Variants in RABEPK observed in about 807,000 individuals in gnomAD.
RABEPK encodes the protein 40 kDa Rab9 effector protein.
In RABEPK, 27 loss-of-function variants were observed where a neutral mutation model predicts 34.1. The ratio of observed to expected loss-of-function variants is 0.79; its 90% confidence interval spans 0.58 to 1.09. RABEPK has a LOEUF of 1.09. Among genes scored for constraint, RABEPK ranks in the 50% least tolerant of loss-of-function variants. The pLI is 0.00. For synonymous variants in RABEPK, 172 were observed against 169.2 expected (o/e 1.02, Z -0.13); for missense variants, 449 against 462.6 (o/e 0.97, Z 0.27).
In RABEPK at chr9:125,215,205, GT is replaced by G. The variant is rs59272289; in HGVS notation, c.364+1695del. Among the ~76,000 whole-genome samples the G allele has an allele frequency of 1.9e-4, 28 of 146,050 alleles. No homozygotes were observed. In the South Asian group the frequency reaches 1.9e-3, roughly 10 times the overall value. On this transcript the variant is annotated intron_variant, in intron 4 of 7. Transcript: ENST00000373538. ...TCATAATCCCAGGAGAAATAGGTGG[GT>G]TTTTTTTTTTTGGCTTTAGCAAAAA...
At position 125,207,739 on chromosome 9, in the gene RABEPK, A is replaced by G. The variant is rs1398247967; in HGVS notation, c.211+18A>G. On this transcript the variant is annotated intron_variant, in intron 3 of 7. Coordinates refer to ENST00000373538, the MANE Select transcript of RABEPK (RefSeq NM_005833.4). ...GGATCTGGGTAAGATCAGCAGCTGC[A>G]GAGTACATGCCCTATGGCCAGAGAA... The G allele has an allele frequency of 1.9e-6, 3 of 1,613,692 alleles. No individual in the cohort carries two copies. Among genetic ancestry groups the G allele is most frequent in the Admixed American group, 1.7e-5 (1 of 59,992 alleles).
chr9:125,207,750 C>T (rs749724290), intron 3 of RABEPK, 29 bp downstream of exon 3: 9 of 1,612,676 alleles, frequency 5.6e-6, no homozygotes, highest in Admixed American at 3.3e-5. Flanking sequence ...GAGTACATGC[C>T]CTATGGCCAG....
At chr9:125,219,430 T>C (rs182305094) in intron 4 of RABEPK, among the ~76,000 whole-genome samples, 8 of 152,104 alleles carry the variant, frequency 5.3e-5, no homozygotes, top group African/African-American at 1.9e-4. Context: ...AGTCTCGCTT[T>C]GTCAACCAGG....
At chr9:125,207,003 C>T (rs1830265647) in intron 2 of RABEPK, among the ~76,000 whole-genome samples, 4 of 151,528 alleles carry the variant, frequency 2.6e-5, no homozygotes, top group Admixed American at 2.0e-4. Context: ...GCAGGAGAAT[C>T]GCTTGAACCC....
chr9:125,210,963 T>C (rs1446630782), intron 3 of RABEPK, among the ~76,000 whole-genome samples: 1 of 146,238 alleles, frequency 6.8e-6, no homozygotes, highest in Non-Finnish European at 1.5e-5. Context: ...CCGGGCATGG[T>C]GGCTCACCAT....
At chr9:125,220,341 G>C (rs201806373) in intron 4 of RABEPK, 198 bp from the exon 5 acceptor site, 13 of 1,443,334 alleles carry the variant, frequency 9.0e-6, no homozygotes, top group Admixed American at 5.7e-5. Context: ...TAAATCTTGG[G>C]GATTTTGGAC....
At chr9:125,223,833 C>T (rs1389470012) in intron 5 of RABEPK, among the ~76,000 whole-genome samples, 1 of 151,776 alleles carries the variant, frequency 6.6e-6, no homozygotes, top group Non-Finnish European at 1.5e-5. Flanking sequence ...CTTGAACAAC[C>T]AGCAGGCATA....
intron 5 of RABEPK, among the ~76,000 whole-genome samples, chr9:125,226,273 C>T (rs1831738461): frequency 6.6e-6 from 1 of 150,926 alleles, no homozygotes. Flanking sequence ...GCGAAGATCG[C>T]ACTTGTGCAT....
chr9:125,222,631 T>A (rs1444079647), intron 5 of RABEPK, among the ~76,000 whole-genome samples: 4 of 149,388 alleles, frequency 2.7e-5, no homozygotes, highest in Non-Finnish European at 5.9e-5. Context: ...TGAGAATCAC[T>A]TGAACCCCGG....
At chr9:125,216,751 A>C (rs1485945690) in intron 4 of RABEPK, among the ~76,000 whole-genome samples, 2 of 152,118 alleles carry the variant, frequency 1.3e-5, no homozygotes, top group African/African-American at 4.8e-5. Context: ...TCAAAAGGTC[A>C]GGAGTTCCAG....
intron 3 of RABEPK, among the ~76,000 whole-genome samples, chr9:125,212,778 C>A (rs1041813448): frequency 6.6e-6 from 1 of 151,190 alleles, no homozygotes; most frequent in Non-Finnish European, 1.5e-5. Flanking sequence ...CAAGCGAGTC[C>A]CCTACCTCAG....
chr9:125,214,202 C>T (rs1319914100), intron 4 of RABEPK, among the ~76,000 whole-genome samples: 1 of 151,996 alleles, frequency 6.6e-6, no homozygotes, highest in Non-Finnish European at 1.5e-5. Flanking sequence ...GCTTAGAACC[C>T]AAGTCACCTA....
rs201533297 is a variant in RABEPK, at chr9:125,233,717, G to A, written c.856G>A (p.Asp286Asn). The A allele has an allele frequency of 1.2e-6, 2 of 1,613,958 alleles. No homozygotes were observed. Among genetic ancestry groups the A allele is most frequent in the South Asian group, 1.1e-5 (1 of 91,070 alleles). The change falls in exon 8 of 8, where the codon GAT becomes AAT. Residue 286 changes from aspartate (D) to asparagine (N), a missense_variant. Coordinates refer to ENST00000373538, the MANE Select transcript of RABEPK (RefSeq NM_005833.4). ...EEQHWTLLKFDTLLPPGRLDH... is the reference protein window; with the variant it reads ...EEQHWTLLKFNTLLPPGRLDH... ...GCAGCATTGGACCTTGCTTAAATTT[G>A]ATACTCTTCTACCCCCTGGACGATT... is the stretch of plus-strand genomic sequence containing the variant.
intron 6 of RABEPK, among the ~76,000 whole-genome samples, chr9:125,228,629 A>G (rs1831943700): frequency 6.6e-6 from 1 of 150,878 alleles, no homozygotes. Flanking sequence ...ACTGCACTCC[A>G]GCCTGGGCCA....
chr9:125,214,792 CTT>C (rs34203731), intron 4 of RABEPK, among the ~76,000 whole-genome samples: 5 of 138,874 alleles, frequency 3.6e-5, no homozygotes, highest in Non-Finnish European at 4.6e-5. Context: ...AATTTTCTGT[CTT>C]TTTTTTTTTT....
intron 1 of RABEPK, 105 bp downstream of exon 1, chr9:125,201,011 A>G: frequency 2.7e-6 from 1 of 368,948 alleles, no homozygotes; most frequent in South Asian, 2.0e-5. Context: ...CTCGGAATGG[A>G]TCTGACAGGC....
chr9:125,232,253 G>GAC (rs1306238867), intron 6 of RABEPK, among the ~76,000 whole-genome samples: 1 of 114,178 alleles, frequency 8.8e-6, no homozygotes, highest in African/African-American at 3.4e-5. Context: ...CACAGAGACA[G>GAC]AGAGAGAGAG....
At chr9:125,201,945 G>T (rs1290194449) in intron 1 of RABEPK, among the ~76,000 whole-genome samples, 2 of 148,854 alleles carry the variant, frequency 1.3e-5, no homozygotes, top group Admixed American at 1.3e-4. Flanking sequence ...ATAAATAAAT[G>T]GCCGGGCTCA....
intron 1 of RABEPK, among the ~76,000 whole-genome samples, chr9:125,202,027 A>G (rs906445500): frequency 2.0e-5 from 3 of 148,782 alleles, no homozygotes; most frequent in Admixed American, 6.7e-5. Context: ...CCTGGCGAAC[A>G]TAGTGAAACC....
Sources: allele counts gnomAD v4.1 joint callset (sites outside exome capture counted in the v4.1 genomes callset), GRCh38; gene constraint gnomAD v4.1.1; transcripts MANE v1.5; gene names NCBI Gene and HGNC (gene_info 2026-07-23, HGNC 2026-07-21).